IL1RAPL1: variants seen among roughly 807,000 people sequenced by gnomAD.
The protein encoded by IL1RAPL1 is interleukin 1 receptor accessory protein like 1, also known as interleukin-1 receptor accessory protein-like 1.
IL1RAPL1 carries 3 observed loss-of-function variants against 48.4 expected under a neutral mutation model. That is an observed-to-expected ratio of 0.06 (90% CI 0.03 to 0.16). The LOEUF is 0.16. IL1RAPL1 is among the 10% of genes least tolerant of loss of function. IL1RAPL1 has a pLI of 1.00. For missense variants in IL1RAPL1, 349 were observed against 530.6 expected, an observed-to-expected ratio of 0.66 and a Z score of 3.36; for synonymous variants, 185 against 187.7, an observed-to-expected ratio of 0.99 and a Z score of 0.12.
chrX:29,517,638 C>T (rs897205017), intron 5 of IL1RAPL1, among the ~76,000 whole-genome samples: 2 of 111,876 alleles, frequency 1.8e-5, no homozygotes, highest in African/African-American at 3.2e-5. Context: ...TTGATTCCAA[C>T]CCAAATGTCC....
At position 28,700,350 on chromosome X, in the gene IL1RAPL1, A is replaced by G. The variant is rs1004283509; in HGVS notation, c.-24-88970A>G. On this transcript the variant is annotated intron_variant, in intron 1 of 10. Coordinates refer to ENST00000378993, the MANE Select transcript of IL1RAPL1 (RefSeq NM_014271.4). ...AGTAATATAATAATGATAATTGCCA[A>G]TATAATAGCTAGGTATTTTGGATGT... 3.6e-5 allele frequency among the ~76,000 whole-genome samples: 4 copies of G among 110,985 alleles called. No homozygotes were observed. The East Asian group carries it at 8.6e-4, about 24-fold the overall frequency.
At chrX:29,473,231 TATA>T (rs767457451) in intron 5 of IL1RAPL1, among the ~76,000 whole-genome samples, 1 of 111,958 alleles carries the variant, frequency 8.9e-6, no homozygotes, top group South Asian at 3.7e-4. Context: ...ATTTTTGTTT[TATA>T]ATAAGGACAT....
intron 2 of IL1RAPL1, among the ~76,000 whole-genome samples, chrX:29,179,816 C>T (rs1206385145): frequency 1.8e-5 from 2 of 111,535 alleles, no homozygotes; most frequent in Non-Finnish European, 3.8e-5. Flanking sequence ...GTTCCTACCT[C>T]ACTGCTGACT....
At chrX:29,401,764 G>C (rs915634062) in intron 5 of IL1RAPL1, among the ~76,000 whole-genome samples, 17 of 110,944 alleles carry the variant, frequency 1.5e-4, no homozygotes, top group African/African-American at 5.2e-4. Context: ...AGCATCGTGA[G>C]CTTTTATGGG....
intron 5 of IL1RAPL1, among the ~76,000 whole-genome samples, chrX:29,417,756 G>A (rs887315400): frequency 4.5e-5 from 5 of 110,845 alleles, no homozygotes; most frequent in Non-Finnish European, 7.6e-5. Context: ...TCTTCTGATG[G>A]TAATGATAGA....
At position 29,094,837 on chromosome X, in the gene IL1RAPL1, T is replaced by TA. The variant is rs143227525; in HGVS notation, c.83-188084dup. On this transcript the variant is annotated intron_variant, in intron 2 of 10. Transcript: ENST00000378993. Reference sequence around the variant, plus strand: ...TTTAATAGAAAACACACCTAAAAACTAAAAAAAAAAAAAAAAAGAAAACAA... The same window carrying TA: ...TTTAATAGAAAACACACCTAAAAACTAAAAAAAAAAAAAAAAAAGAAAACAA... Among the ~76,000 whole-genome samples the TA allele has an allele frequency of 2.7e-3, 187 of 69,200 alleles. 6 individuals carry two copies. The East Asian group carries it at 0.062, about 23-fold the overall frequency. 60.1% of individuals were successfully genotyped at this position (69,200 alleles called of 115,157 possible). A position where few individuals can be genotyped will look rare whatever the true frequency, so the allele number is the denominator to read the frequency against.
At chrX:29,126,799 AT>A (rs1020269663) in intron 2 of IL1RAPL1, among the ~76,000 whole-genome samples, 1 of 112,016 alleles carries the variant, frequency 8.9e-6, no homozygotes, top group Non-Finnish European at 1.9e-5. Context: ...GTAAATTTAT[AT>A]TTTTATAGTA....
At chrX:29,913,977 C>G (rs1401539560) in intron 6 of IL1RAPL1, among the ~76,000 whole-genome samples, 1 of 112,157 alleles carries the variant, frequency 8.9e-6, no homozygotes, top group African/African-American at 3.2e-5. Context: ...CACTCATGCT[C>G]TTTCCTCTCT....
Position 29,610,626 on chromosome X carries a change from A to G in IL1RAPL1, c.704-57804A>G, listed in dbSNP as rs745442237. Among the ~76,000 whole-genome samples the G allele has an allele frequency of 2.8e-4, 31 of 112,431 alleles. No homozygotes were observed. The South Asian group carries it at 0.011, about 41-fold the overall frequency. On this transcript the variant is annotated intron_variant, in intron 5 of 10. Transcript: ENST00000378993. ...ATGTTAAAAAGCAGGGGAAGATGTC[A>G]TCATTTTATTGTTAACCTGACGGTG...
At chrX:28,779,035 G>A (rs1396146998) in intron 1 of IL1RAPL1, among the ~76,000 whole-genome samples, 1 of 111,751 alleles carries the variant, frequency 8.9e-6, no homozygotes, top group Non-Finnish European at 1.9e-5. Flanking sequence ...ATTTTTCCAA[G>A]TTTGCATAGC....
chrX:29,431,958 C>A (rs963707734), intron 5 of IL1RAPL1, among the ~76,000 whole-genome samples: 13 of 111,408 alleles, frequency 1.2e-4, no homozygotes, highest in Non-Finnish European at 7.6e-5. Context: ...ATTTTAGAAA[C>A]TTTTACAACT....
chrX:29,582,852 A>G (rs1300850803), intron 5 of IL1RAPL1, among the ~76,000 whole-genome samples: 15 of 68,068 alleles, frequency 2.2e-4, no homozygotes, highest in Non-Finnish European at 3.6e-4. Flanking sequence ...CGCAATAAAC[A>G]TACATGTGCA....
chrX:29,402,888 A>T (rs777708564), intron 5 of IL1RAPL1, among the ~76,000 whole-genome samples: 1 of 111,257 alleles, frequency 9.0e-6, no homozygotes, highest in Non-Finnish European at 1.9e-5. Context: ...GGTGAGGGTT[A>T]TAGGTCCTTG....
chrX:29,850,493 G>A (rs1931340601), intron 6 of IL1RAPL1, among the ~76,000 whole-genome samples: 1 of 112,463 alleles, frequency 8.9e-6, no homozygotes, highest in African/African-American at 3.2e-5. Flanking sequence ...CCTTTCCAAA[G>A]AGCAAGAACA....
chrX:29,704,264 G>A (rs964623323), intron 6 of IL1RAPL1, among the ~76,000 whole-genome samples: 6 of 111,276 alleles, frequency 5.4e-5, no homozygotes, highest in African/African-American at 2.0e-4. Context: ...TATCTTAAAA[G>A]AAGTTTCCTA....
intron 5 of IL1RAPL1, among the ~76,000 whole-genome samples, chrX:29,469,249 G>T (rs1934896127): frequency 8.9e-6 from 1 of 111,856 alleles, no homozygotes; most frequent in African/African-American, 3.3e-5. Flanking sequence ...TAGCAGTTTA[G>T]CAAAATGGCA....
intron 6 of IL1RAPL1, among the ~76,000 whole-genome samples, chrX:29,916,822 T>G (rs1932803225): frequency 8.9e-6 from 1 of 112,551 alleles, no homozygotes; most frequent in Non-Finnish European, 1.9e-5. Context: ...TGAAATAAGC[T>G]AATCTTTACA....
chrX:29,510,393 A>T, intron 5 of IL1RAPL1, among the ~76,000 whole-genome samples: 1 of 112,270 alleles, frequency 8.9e-6, no homozygotes, highest in Middle Eastern at 4.6e-3. Context: ...TTTGTTCTAG[A>T]GTTTCACATT....
intron 3 of IL1RAPL1, among the ~76,000 whole-genome samples, chrX:29,366,622 G>A (rs996652280): frequency 5.3e-4 from 46 of 86,788 alleles, no homozygotes; most frequent in South Asian, 1.5e-3. Context: ...AGGCTGGAGT[G>A]CAGTGGCGCG....
Sources: gnomAD v4.1 joint callset for allele counts (sites outside exome capture counted in the v4.1 genomes callset) on GRCh38, gnomAD v4.1.1 for gene constraint, MANE v1.5 for transcripts, NCBI Gene and HGNC (gene_info 2026-07-23, HGNC 2026-07-21) for gene names.